KAZN: variants seen among roughly 807,000 people sequenced by gnomAD.
KAZN encodes the protein kazrin.
Under a neutral mutation model 87.4 loss-of-function variants are expected in KAZN, and 40 were observed. The observed-to-expected ratio is 0.46, with a 90% CI of 0.36 to 0.60. KAZN has a LOEUF of 0.60. KAZN is among the 20% of genes least tolerant of loss of function. The probability of loss-of-function intolerance (pLI) is 0.00; values close to 1 mark genes in which losing one functional copy is unlikely to be tolerated. For missense variants in KAZN, 898 were observed against 1,073.9 expected, an observed-to-expected ratio of 0.84 and a Z score of 2.29; for synonymous variants, 466 against 458.3, an observed-to-expected ratio of 1.02 and a Z score of -0.22.
intron 3 of KAZN, among the ~76,000 whole-genome samples, chr1:15,037,022 C>T (rs573854356): frequency 2.6e-5 from 4 of 152,168 alleles, no homozygotes; most frequent in African/African-American, 4.8e-5. Context: ...CTGTGCAGCG[C>T]GCCTCTTCCC....
chr1:14,488,572 A>G (rs544658901), intron 2 of KAZN, among the ~76,000 whole-genome samples: 1 of 152,340 alleles, frequency 6.6e-6, no homozygotes, highest in South Asian at 2.1e-4. Flanking sequence ...CTGAGGATTC[A>G]GTGAAAGAGC....
intron 2 of KAZN, among the ~76,000 whole-genome samples, chr1:14,372,320 T>G (rs1660555519): frequency 6.6e-6 from 1 of 152,204 alleles, no homozygotes; most frequent in African/African-American, 2.4e-5. Flanking sequence ...CTGACTTGTG[T>G]TAAGTATATT....
chr1:14,042,071 TG>T (rs1321716446), intron 1 of KAZN, among the ~76,000 whole-genome samples: 1 of 152,160 alleles, frequency 6.6e-6, no homozygotes, highest in Non-Finnish European at 1.5e-5. Context: ...AATTTTAAAA[TG>T]TTTTTTCTTT....
intron 1 of KAZN, among the ~76,000 whole-genome samples, chr1:14,607,167 A>G (rs1006283165): frequency 6.6e-6 from 1 of 152,228 alleles, no homozygotes; most frequent in Non-Finnish European, 1.5e-5. Flanking sequence ...AGGATCATTG[A>G]TTTAATGATA....
intron 1 of KAZN, among the ~76,000 whole-genome samples, chr1:14,137,456 C>T (rs940665216): frequency 6.6e-6 from 1 of 152,150 alleles, no homozygotes; most frequent in Admixed American, 6.5e-5. Context: ...GACTCTGTGC[C>T]TTGAGGGCTC....
chr1:14,652,047 G>A (rs1638415183), intron 1 of KAZN, among the ~76,000 whole-genome samples: 3 of 152,192 alleles, frequency 2.0e-5, no homozygotes, highest in African/African-American at 7.2e-5. Context: ...GTACTGAAAT[G>A]AGGTCTGTAC....
At chr1:14,576,772 A>G (rs954779056) in intron 2 of KAZN, among the ~76,000 whole-genome samples, 2 of 152,100 alleles carry the variant, frequency 1.3e-5, no homozygotes, top group East Asian at 1.9e-4. Flanking sequence ...GGTTATTTCT[A>G]AATAGTAGCT....
At chr1:14,106,341 C>A (rs1385521546) in intron 1 of KAZN, among the ~76,000 whole-genome samples, 1 of 152,222 alleles carries the variant, frequency 6.6e-6, no homozygotes, top group Non-Finnish European at 1.5e-5. Flanking sequence ...TGGTGGGAGG[C>A]AGGATTCTGC....
chr1:15,050,248 G>A (rs549868913), intron 4 of KAZN, among the ~76,000 whole-genome samples: 2 of 151,724 alleles, frequency 1.3e-5, no homozygotes, highest in East Asian at 3.9e-4. Flanking sequence ...GACAGTGCAG[G>A]GAAGTGAGGC....
At chr1:14,057,767 T>C (rs1207575130) in intron 1 of KAZN, among the ~76,000 whole-genome samples, 1 of 152,238 alleles carries the variant, frequency 6.6e-6, no homozygotes, top group Admixed American at 6.5e-5. Flanking sequence ...GCCAGGCCAC[T>C]GAGTGATTCT....
intron 2 of KAZN, among the ~76,000 whole-genome samples, chr1:14,262,506 G>A (rs945618910): frequency 6.6e-6 from 1 of 152,124 alleles, no homozygotes; most frequent in Non-Finnish European, 1.5e-5. Flanking sequence ...TACTTACTTT[G>A]CTGACTAAAT....
chr1:15,009,910 A>G lies in KAZN; in HGVS notation c.419-24839A>G, dbSNP rs575645657. ...TCATGTCATCTACAAATATTGTAAT[A>G]TGTATCTATAAAAGATAAGGACTCT... On this transcript the variant is annotated intron_variant, in intron 2 of 14. Transcript: ENST00000376030. Among the ~76,000 whole-genome samples, 88 of 152,236 alleles carry G rather than the reference A, an allele frequency of 5.8e-4. No homozygotes were observed. The East Asian group carries it at 7.3e-3, about 13-fold the overall frequency.
At chr1:14,795,429 T>C (rs757654480) in intron 1 of KAZN, among the ~76,000 whole-genome samples, 11 of 152,186 alleles carry the variant, frequency 7.2e-5, no homozygotes, top group Non-Finnish European at 1.5e-4. Flanking sequence ...CTTGTCGATA[T>C]GGATGGTAGC....
chr1:14,082,710 A>G (rs1274593059), intron 1 of KAZN, among the ~76,000 whole-genome samples: 1 of 151,914 alleles, frequency 6.6e-6, no homozygotes, highest in Non-Finnish European at 1.5e-5. Context: ...TGAGCATCCT[A>G]TTTCTTTTTC....
At chr1:14,521,047 A>G (rs917743697) in intron 2 of KAZN, among the ~76,000 whole-genome samples, 2 of 152,084 alleles carry the variant, frequency 1.3e-5, no homozygotes, top group Non-Finnish European at 2.9e-5. Context: ...AGTACTCCCC[A>G]CTCTTGGAAG....
intron 1 of KAZN, among the ~76,000 whole-genome samples, chr1:14,106,043 A>G (rs1424381550): frequency 2.0e-5 from 3 of 152,258 alleles, no homozygotes; most frequent in African/African-American, 7.2e-5. Flanking sequence ...GGAGAAATAA[A>G]CAATAACAGT....
chr1:13,977,105 G>C (rs1638400790), intron 1 of KAZN, among the ~76,000 whole-genome samples: 1 of 152,212 alleles, frequency 6.6e-6, no homozygotes, highest in Non-Finnish European at 1.5e-5. Context: ...GGATCAGAGA[G>C]GAGGTAGAGA....
intron 1 of KAZN, among the ~76,000 whole-genome samples, chr1:14,177,377 T>C (rs1401045744): frequency 2.0e-5 from 3 of 152,208 alleles, no homozygotes; most frequent in Admixed American, 6.5e-5. Context: ...TTTTTGTAAA[T>C]AGAAGTTTCT....
At chr1:14,432,743 AG>A (rs1406455177) in intron 2 of KAZN, among the ~76,000 whole-genome samples, 1 of 151,766 alleles carries the variant, frequency 6.6e-6, no homozygotes, top group African/African-American at 2.4e-5. Context: ...AACCCCCAAG[AG>A]GTCCCGGTGT....
Sources: allele counts gnomAD v4.1 joint callset (sites outside exome capture counted in the v4.1 genomes callset), GRCh38; gene constraint gnomAD v4.1.1; transcripts MANE v1.5; gene names NCBI Gene and HGNC (gene_info 2026-07-23, HGNC 2026-07-21).